TAFA4: variants seen among roughly 807,000 people sequenced by gnomAD.
TAFA4 encodes TAFA chemokine like family member 4.
TAFA4 carries 20 observed loss-of-function variants against 21.1 expected under a neutral mutation model. The ratio of observed to expected loss-of-function variants is 0.95; its 90% CI spans 0.67 to 1.38. TAFA4 has a LOEUF of 1.38. Among genes scored for constraint, TAFA4 ranks in the 40% most tolerant of loss-of-function variants. TAFA4 has a pLI of 0.00. For synonymous variants in TAFA4, 71 were observed against 67.4 expected (o/e 1.05, Z -0.26); for missense variants, 211 against 180.9 (o/e 1.17, Z -0.95).
intron 5 of TAFA4, among the ~76,000 whole-genome samples, chr3:68,736,831 A>G (rs1356275288): frequency 6.6e-6 from 1 of 152,214 alleles, no homozygotes; most frequent in Non-Finnish European, 1.5e-5. Context: ...AATAAAGGAA[A>G]CAAAGTTTTA....
intron 1 of TAFA4, among the ~76,000 whole-genome samples, chr3:68,889,741 T>C (rs1402898717): frequency 6.6e-6 from 1 of 152,202 alleles, no homozygotes; most frequent in Non-Finnish European, 1.5e-5. Context: ...TGCAACATAA[T>C]TTCTCTGCAT....
intron 5 of TAFA4, 105 bp from the exon 6 acceptor site, chr3:68,733,258 T>TTC: frequency 7.0e-7 from 1 of 1,420,518 alleles, no homozygotes; most frequent in Non-Finnish European, 9.6e-7. Context: ...ACTTTATCAG[T>TTC]TTGTACATTT....
intron 3 of TAFA4, among the ~76,000 whole-genome samples, chr3:68,880,306 T>C (rs573487212): frequency 9.9e-5 from 15 of 152,154 alleles, no homozygotes; most frequent in Non-Finnish European, 2.2e-4. Flanking sequence ...TTAAATTATC[T>C]GACTATTCCC....
At position 68,848,495 on chromosome 3, in the gene TAFA4, T is replaced by C. The variant is rs574496813; in HGVS notation, c.130+32235A>G. Among the ~76,000 whole-genome samples, 17 of 152,356 alleles carry C rather than the reference T, an allele frequency of 1.1e-4. No individual in the cohort carries two copies. In the South Asian group the frequency reaches 2.5e-3, roughly 22 times the overall value. ...GGAAGGAGGTATTCTTAAATCAATA[T>C]AGTAAAAACTGTCAGCAGCCTTTTC... On this transcript the variant is annotated intron_variant, in intron 3 of 5. Coordinates refer to ENST00000295569, the MANE Select transcript of TAFA4 (RefSeq NM_182522.5).
intron 3 of TAFA4, among the ~76,000 whole-genome samples, chr3:68,823,341 A>G (rs970571043): frequency 6.6e-6 from 1 of 152,226 alleles, no homozygotes; most frequent in African/African-American, 2.4e-5. Context: ...AATCGAATAC[A>G]TTCTTCATCT....
rs551737420 is a variant in TAFA4, at chr3:68,820,493, T to C, written c.130+60237A>G. On this transcript the variant is annotated intron_variant, in intron 3 of 5. Coordinates refer to ENST00000295569, the MANE Select transcript of TAFA4 (RefSeq NM_182522.5). ...GAGTTTGAGAGCAGCCTGAACAACA[T>C]AGTGAAACCTCATCCTACCAAAAAA... 6.6e-5 allele frequency among the ~76,000 whole-genome samples: 10 copies of C among 151,842 alleles called. No homozygotes were observed. The South Asian group carries it at 1.0e-3, about 16-fold the overall frequency.
intron 1 of TAFA4, among the ~76,000 whole-genome samples, chr3:68,923,299 C>G (rs1033023261): frequency 2.0e-5 from 3 of 152,152 alleles, no homozygotes; most frequent in African/African-American, 7.2e-5. Flanking sequence ...CAAAACTGAT[C>G]AATTGTTAAT....
intron 3 of TAFA4, among the ~76,000 whole-genome samples, chr3:68,765,025 G>C (rs952376170): frequency 2.6e-5 from 4 of 151,962 alleles, no homozygotes; most frequent in Non-Finnish European, 5.9e-5. Context: ...AAGGAGCAGT[G>C]AAATTGCTTG....
chr3:68,836,852 T>C (rs1288502911), intron 3 of TAFA4, among the ~76,000 whole-genome samples: 2 of 152,224 alleles, frequency 1.3e-5, no homozygotes, highest in South Asian at 2.1e-4. Context: ...CCCAGATCTT[T>C]AGTTTTGTGT....
intron 3 of TAFA4, among the ~76,000 whole-genome samples, chr3:68,858,378 C>T (rs9813764): frequency 3.3e-5 from 5 of 151,530 alleles, no homozygotes; most frequent in East Asian, 3.9e-4. Context: ...TTAATAACAC[C>T]GTTAACGCAG....
intron 5 of TAFA4, among the ~76,000 whole-genome samples, 190 bp downstream of exon 5, chr3:68,738,885 C>T (rs1263648401): frequency 6.6e-6 from 1 of 152,138 alleles, no homozygotes; most frequent in African/African-American, 2.4e-5. Context: ...AATCACTGTT[C>T]TATAAAATCT....
chr3:68,829,099 T>C (rs1161947666), intron 3 of TAFA4, among the ~76,000 whole-genome samples: 1 of 152,214 alleles, frequency 6.6e-6, no homozygotes, highest in Non-Finnish European at 1.5e-5. Context: ...AAGACAATTC[T>C]AAGCAAAAAG....
intron 1 of TAFA4, among the ~76,000 whole-genome samples, chr3:68,886,066 T>A (rs1390390468): frequency 6.6e-6 from 1 of 152,096 alleles, no homozygotes; most frequent in East Asian, 1.9e-4. Flanking sequence ...CAGAGAAAAA[T>A]TATGATATGT....
rs781287469 is a variant in TAFA4 at position 68,732,976 on chromosome 3, A to C, written c.*166T>G. 14 of 726,832 alleles carry C rather than the reference A, an allele frequency of 1.9e-5. No individual in the cohort carries two copies. Among genetic ancestry groups the C allele is most frequent in the Non-Finnish European group, 2.7e-5 (12 of 451,298 alleles). 45.0% of individuals were successfully genotyped at this position (726,832 alleles called of 1,614,324 possible). A position where few individuals can be genotyped will look rare whatever the true frequency, so the allele number is the denominator to read the frequency against. The stretch of plus-strand genomic sequence containing the variant: ...AATGAAATAAAATCACGAAGCAGAG[A>C]GGGCTGGGCCAGTTAAGTGAATGCC... On this transcript the variant is annotated 3_prime_UTR_variant, in exon 6 of 6. Coordinates refer to ENST00000295569, the MANE Select transcript of TAFA4 (RefSeq NM_182522.5).
intron 3 of TAFA4, among the ~76,000 whole-genome samples, chr3:68,830,121 A>G (rs1222685967): frequency 2.0e-5 from 3 of 151,984 alleles, no homozygotes; most frequent in Non-Finnish European, 4.4e-5. Flanking sequence ...AATTTTGTAG[A>G]TCTTTTCAAA....
At chr3:68,776,901 G>A (rs1393195999) in intron 3 of TAFA4, among the ~76,000 whole-genome samples, 3 of 152,032 alleles carry the variant, frequency 2.0e-5, no homozygotes, top group Non-Finnish European at 4.4e-5. Flanking sequence ...TAATCATCAA[G>A]TCAAAGAAGA....
At position 68,763,762 on chromosome 3, in the gene TAFA4, T is replaced by A. The variant is rs562019177; in HGVS notation, c.131-10744A>T. On this transcript the variant is annotated intron_variant, in intron 3 of 5. Transcript: ENST00000295569. ...TACCACTTTTTTTCTAATAATATCA[T>A]AGATTTGAAGGTTCATAATATCTCA... Among the ~76,000 whole-genome samples the A allele has an allele frequency of 7.9e-5, 12 of 152,108 alleles. No individual in the cohort carries two copies. In the South Asian group the frequency reaches 2.3e-3, roughly 29 times the overall value.
chr3:68,839,112 A>G (rs1030284670), intron 3 of TAFA4, among the ~76,000 whole-genome samples: 2 of 152,154 alleles, frequency 1.3e-5, no homozygotes, highest in Non-Finnish European at 2.9e-5. Flanking sequence ...AAAAACAACA[A>G]CAACAAAAAT....
chr3:68,776,346 G>A (rs1463511406), intron 3 of TAFA4, among the ~76,000 whole-genome samples: 1 of 152,112 alleles, frequency 6.6e-6, no homozygotes, highest in East Asian at 1.9e-4. Flanking sequence ...CAGAAAGTAA[G>A]CATAAAATGG....
Sources: allele counts gnomAD v4.1 joint callset (sites outside exome capture counted in the v4.1 genomes callset), GRCh38; gene constraint gnomAD v4.1.1; transcripts MANE v1.5; gene names NCBI Gene and HGNC (gene_info 2026-07-23, HGNC 2026-07-21).